The following STPG2 variants were observed in gnomAD, a reference collection of about 807,000 sequenced individuals.
STPG2 encodes sperm tail PG-rich repeat containing 2, also known as sperm-tail PG-rich repeat-containing protein 2.
Under a neutral mutation model 54.2 loss-of-function variants are expected in STPG2, and 56 were observed. The observed-to-expected ratio is 1.03, with a 90% CI of 0.83 to 1.29. The LOEUF (loss-of-function observed/expected upper bound fraction) is 1.29, where lower values mean the gene tolerates loss of function less well. Ranked by LOEUF, STPG2 falls within the 50% of genes most tolerant of loss-of-function variation. STPG2 has a pLI of 0.00. For missense variants in STPG2, 596 were observed against 544.9 expected (o/e 1.09, Z -0.93); for synonymous variants, 200 against 181.8 (o/e 1.10, Z -0.81).
At chr4:97,760,451 C>T (rs1725856404) in intron 9 of STPG2, among the ~76,000 whole-genome samples, 1 of 152,040 alleles carries the variant, frequency 6.6e-6, no homozygotes, top group Admixed American at 6.6e-5. Context: ...TCAGTTTATA[C>T]AATACACAAG....
intron 2 of STPG2, among the ~76,000 whole-genome samples, chr4:98,129,671 C>A (rs1037018014): frequency 2.6e-5 from 4 of 151,848 alleles, no homozygotes; most frequent in African/African-American, 9.7e-5. Flanking sequence ...ATATATATTA[C>A]AAATATTAAT....
chr4:97,461,464 G>A (rs1449228014), intron 4 of STPG2, among the ~76,000 whole-genome samples: 3 of 152,174 alleles, frequency 2.0e-5, no homozygotes, highest in Admixed American at 6.5e-5. Flanking sequence ...GCCCTTCTAT[G>A]AAGAGGCCAG....
chr4:97,675,746 C>T (rs972343036), intron 10 of STPG2, among the ~76,000 whole-genome samples: 1 of 151,528 alleles, frequency 6.6e-6, no homozygotes, highest in South Asian at 2.1e-4. Flanking sequence ...TGACTTTGCA[C>T]TATAGTGGCC....
intron 10 of STPG2, among the ~76,000 whole-genome samples, chr4:97,591,148 A>C (rs958558872): frequency 6.6e-6 from 1 of 152,194 alleles, no homozygotes; most frequent in African/African-American, 2.4e-5. Flanking sequence ...TGAAATGATA[A>C]GCATGTAACT....
At chr4:97,838,419 G>A (rs1728696295) in intron 9 of STPG2, among the ~76,000 whole-genome samples, 1 of 150,898 alleles carries the variant, frequency 6.6e-6, no homozygotes, top group African/African-American at 2.4e-5. Flanking sequence ...GCAAAAGTTA[G>A]GGTGTAAATT....
At chr4:97,454,498 C>T (rs1329221838) in intron 4 of STPG2, among the ~76,000 whole-genome samples, 7 of 111,362 alleles carry the variant, frequency 6.3e-5, no homozygotes, top group Non-Finnish European at 6.8e-5. Flanking sequence ...CCGGCCTGGG[C>T]GACAGAGCGA....
chr4:97,776,033 A>AT (rs1726364077), intron 9 of STPG2, among the ~76,000 whole-genome samples: 1 of 152,178 alleles, frequency 6.6e-6, no homozygotes, highest in African/African-American at 2.4e-5. Flanking sequence ...AAGTGCTGGG[A>AT]TTACATGCAT....
chr4:97,509,490 C>A (rs193287596), intron 4 of STPG2, among the ~76,000 whole-genome samples: 28 of 152,044 alleles, frequency 1.8e-4, no homozygotes, highest in Middle Eastern at 3.4e-3. Flanking sequence ...GCACATTGTT[C>A]AGAGAATCAT....
chr4:97,782,757 G>A (rs1726689677), intron 9 of STPG2, among the ~76,000 whole-genome samples: 2 of 152,138 alleles, frequency 1.3e-5, no homozygotes, highest in African/African-American at 4.8e-5. Context: ...ACAGAAGAGA[G>A]CCATCAGAAA....
chr4:98,138,281 T>C (rs901168004), intron 1 of STPG2, among the ~76,000 whole-genome samples: 4 of 152,090 alleles, frequency 2.6e-5, no homozygotes, highest in African/African-American at 9.6e-5. Context: ...GAGTTTGATA[T>C]GGGACATATG....
intron 4 of STPG2, chr4:97,463,617 T>C (rs1042397650): frequency 8.5e-5 from 13 of 152,130 alleles, no homozygotes; most frequent in Admixed American, 5.2e-4. Flanking sequence ...GCCTGGCTAA[T>C]TTTCGTATTT....
intron 10 of STPG2, among the ~76,000 whole-genome samples, chr4:97,566,656 GAT>G (rs1732455192): frequency 6.6e-6 from 1 of 152,036 alleles, no homozygotes; most frequent in African/African-American, 2.4e-5. Context: ...TGATAGACTG[GAT>G]TAAGAAAATG....
At chr4:97,561,926 T>C (rs1262614185) in intron 10 of STPG2, among the ~76,000 whole-genome samples, 1 of 152,190 alleles carries the variant, frequency 6.6e-6, no homozygotes, top group Non-Finnish European at 1.5e-5. Flanking sequence ...CTATGCGGGC[T>C]CTTTTTTGGT....
chr4:97,685,969 C>A (rs1723176720), intron 10 of STPG2, among the ~76,000 whole-genome samples: 1 of 152,158 alleles, frequency 6.6e-6, no homozygotes, highest in Non-Finnish European at 1.5e-5. Flanking sequence ...ACATGGTTGA[C>A]CCTCAAAATT....
chr4:97,886,442 T>C (rs1443683267), intron 8 of STPG2, among the ~76,000 whole-genome samples: 3 of 152,182 alleles, frequency 2.0e-5, no homozygotes, highest in Admixed American at 6.5e-5. Flanking sequence ...TAAAATGTGT[T>C]GTCAACATGC....
At chr4:97,465,106 A>G (rs1729757379) in intron 4 of STPG2, among the ~76,000 whole-genome samples, 1 of 152,132 alleles carries the variant, frequency 6.6e-6, no homozygotes, top group African/African-American at 2.4e-5. Flanking sequence ...AAGCACATGA[A>G]TATGTGGGTT....
chr4:97,819,349 AT>A (rs1728013819), intron 9 of STPG2, among the ~76,000 whole-genome samples: 1 of 152,152 alleles, frequency 6.6e-6, no homozygotes, highest in South Asian at 2.1e-4. Flanking sequence ...CACAACAGTG[AT>A]TTTTACATCA....
chr4:97,955,041 GAATT>G (rs1351690418), intron 7 of STPG2, among the ~76,000 whole-genome samples: 2 of 151,892 alleles, frequency 1.3e-5, no homozygotes, highest in African/African-American at 4.8e-5. Flanking sequence ...ATTTAAGAAA[GAATT>G]AAACAGGCAT....
chr4:98,068,004 C>T (rs1737886629), intron 5 of STPG2, among the ~76,000 whole-genome samples: 1 of 152,096 alleles, frequency 6.6e-6, no homozygotes, highest in South Asian at 2.1e-4. Context: ...TCCTAGATGA[C>T]CCAGGCGTCC....
Sources: gnomAD v4.1 joint callset for allele counts (sites outside exome capture counted in the v4.1 genomes callset) on GRCh38, gnomAD v4.1.1 for gene constraint, MANE v1.5 for transcripts, NCBI Gene and HGNC (gene_info 2026-07-23, HGNC 2026-07-21) for gene names.